FLVCR2: variants seen among roughly 807,000 people sequenced by gnomAD.
The protein encoded by FLVCR2 is FLVCR choline and putative heme transporter 2, also known as choline/ethanolamine transporter FLVCR2.
In FLVCR2, 38 loss-of-function variants were observed where a neutral mutation model predicts 48.9. The ratio of observed to expected loss-of-function variants is 0.78; its 90% confidence interval spans 0.60 to 1.02. FLVCR2 has a LOEUF of 1.02. Among genes scored for constraint, FLVCR2 ranks in the 50% least tolerant of loss-of-function variants. The pLI is 0.00. For missense variants in FLVCR2, 664 were observed against 663.3 expected (o/e 1.00, Z -0.01); for synonymous variants, 255 against 257.0 (o/e 0.99, Z 0.07).
At chr14:75,632,800 TG>T in intron 3 of FLVCR2, 1 of 702,134 alleles carries the variant, frequency 1.4e-6, no homozygotes, top group Non-Finnish European at 2.6e-6. Flanking sequence ...ATTTTAACTG[TG>T]TGTGCATCTT....
chr14:75,646,411 A>G lies in FLVCR2; in HGVS notation c.1520A>G (p.Glu507Gly). 6.3e-7 allele frequency: 1 copy of G among 1,590,470 alleles called. No individual in the cohort carries two copies. The change falls in exon 10 of 10, where the codon GAG (glutamate) becomes GGG (glycine). Residue 507 changes from glutamate (E) to glycine (G), a missense_variant. Coordinates refer to ENST00000238667, the MANE Select transcript of FLVCR2 (RefSeq NM_017791.3). ...NKETLENKLQEEEEESNTSKV... is the reference protein window; with the variant it reads ...NKETLENKLQGEEEESNTSKV... Reference sequence around the variant, plus strand: ...TGTTTTGCTTTATAGAAACTCCAAGAGGAGGAGGAGGAGAGCAACACCAGC... The same window carrying G: ...TGTTTTGCTTTATAGAAACTCCAAGGGGAGGAGGAGGAGAGCAACACCAGC...
intron 9 of FLVCR2, among the ~76,000 whole-genome samples, chr14:75,644,096 T>C (rs1890363216): frequency 6.6e-6 from 1 of 151,864 alleles, no homozygotes; most frequent in African/African-American, 2.4e-5. Context: ...AATATATGTA[T>C]AGCCTAGTGA....
chr14:75,593,308 T>C (rs1888930764), intron 1 of FLVCR2, among the ~76,000 whole-genome samples: 1 of 152,214 alleles, frequency 6.6e-6, no homozygotes, highest in South Asian at 2.1e-4. Context: ...TACCTGAAAC[T>C]GGGTCATTTA....
At position 75,629,395 on chromosome 14, in the gene FLVCR2, A is replaced by G. The variant is rs896546982; in HGVS notation, c.953-4234A>G. Among the ~76,000 whole-genome samples, 57 of 152,192 alleles carry G rather than the reference A, an allele frequency of 3.7e-4. 1 individual carries two copies. The highest frequency in any genetic ancestry group is 1.2e-3 in the African/African-American group (49 of 41,430). On this transcript the variant is annotated intron_variant, in intron 3 of 9. Transcript: ENST00000238667. Reference sequence around the variant, plus strand: ...TCGTGCTTGATGTTGCGGAAATATCATATCAGTAAGAAACTGCCAGTAAAA... The same window carrying G: ...TCGTGCTTGATGTTGCGGAAATATCGTATCAGTAAGAAACTGCCAGTAAAA...
chr14:75,590,379 A>G (rs942573009), intron 1 of FLVCR2, among the ~76,000 whole-genome samples: 1 of 152,260 alleles, frequency 6.6e-6, no homozygotes. Context: ...ATAGACTCAA[A>G]TCATATCCAA....
intron 1 of FLVCR2, among the ~76,000 whole-genome samples, chr14:75,603,299 AC>A (rs1889209435): frequency 6.6e-6 from 1 of 151,964 alleles, no homozygotes; most frequent in African/African-American, 2.4e-5. Flanking sequence ...TAGCCTTAAA[AC>A]CCCCAGGCTC....
chr14:75,631,931 A>G (rs1422375879), intron 3 of FLVCR2: 3 of 441,124 alleles, frequency 6.8e-6, no homozygotes, highest in African/African-American at 6.0e-5. Context: ...ATGTTTGGGG[A>G]CATGTCTGGG....
At chr14:75,639,043 C>A (rs910338949) in intron 5 of FLVCR2, among the ~76,000 whole-genome samples, 1 of 152,060 alleles carries the variant, frequency 6.6e-6, no homozygotes, top group Admixed American at 6.6e-5. Context: ...GGCAAAACAC[C>A]GTCTCTATGA....
intron 1 of FLVCR2, among the ~76,000 whole-genome samples, chr14:75,617,707 A>G (rs1296859547): frequency 6.6e-6 from 1 of 152,226 alleles, no homozygotes; most frequent in Non-Finnish European, 1.5e-5. Context: ...TTTTACTATG[A>G]TGAGTATTAT....
chr14:75,634,245 A>G (rs144946132), intron 4 of FLVCR2, among the ~76,000 whole-genome samples: 1 of 152,282 alleles, frequency 6.6e-6, no homozygotes, highest in African/African-American at 2.4e-5. Flanking sequence ...GAAGGGGTAG[A>G]CTATATGGCT....
intron 1 of FLVCR2, among the ~76,000 whole-genome samples, chr14:75,620,792 T>A (rs1458312813): frequency 6.6e-6 from 1 of 152,230 alleles, no homozygotes; most frequent in African/African-American, 2.4e-5. Context: ...ACATCTTGAA[T>A]GGCTGTAATT....
intron 1 of FLVCR2, among the ~76,000 whole-genome samples, chr14:75,605,039 A>AG (rs1200723182): frequency 2.6e-5 from 4 of 151,254 alleles, no homozygotes; most frequent in African/African-American, 9.7e-5. Context: ...GGGCAGGGGT[A>AG]GGGGGACCGG....
At chr14:75,618,326 G>T (rs1411334994) in intron 1 of FLVCR2, among the ~76,000 whole-genome samples, 2 of 152,176 alleles carry the variant, frequency 1.3e-5, no homozygotes, top group Non-Finnish European at 2.9e-5. Context: ...AGACCTGAGG[G>T]ATAAAAACGG....
chr14:75,583,719 C>T (rs972519995), intron 1 of FLVCR2, among the ~76,000 whole-genome samples: 5 of 152,078 alleles, frequency 3.3e-5, no homozygotes, highest in African/African-American at 9.7e-5. Flanking sequence ...CAAGTTGGCA[C>T]CAGAGCTGGG....
chr14:75,627,616 A>G (rs1006835023), intron 3 of FLVCR2, among the ~76,000 whole-genome samples: 1 of 152,188 alleles, frequency 6.6e-6, no homozygotes, highest in Non-Finnish European at 1.5e-5. Context: ...TGACCTACCT[A>G]GCAGGTCCCC....
rs137979693 is a variant in FLVCR2 at position 75,636,651 on chromosome 14, G to A, written c.1124+1638G>A. Among the ~76,000 whole-genome samples the A allele has an allele frequency of 7.4e-4, 113 of 152,294 alleles. No individual in the cohort carries two copies. The East Asian group carries it at 0.019, about 26-fold the overall frequency. ...CATCACGTGATGTCTAAATCCAGTG[G>A]TCAGCACAAGATATTTTTCTCCCTG... On this transcript the variant is annotated intron_variant, in intron 5 of 9. Transcript: ENST00000238667.
intron 1 of FLVCR2, chr14:75,605,633 A>G: frequency 6.5e-7 from 1 of 1,535,550 alleles, no homozygotes; most frequent in East Asian, 2.4e-5. Flanking sequence ...AGGTGAGGAT[A>G]GATCTTACTT....
At chr14:75,606,777 C>G (rs1420796564) in intron 1 of FLVCR2, among the ~76,000 whole-genome samples, 2 of 152,050 alleles carry the variant, frequency 1.3e-5, no homozygotes, top group Non-Finnish European at 2.9e-5. Flanking sequence ...CATGGAAAAA[C>G]CCCGTCTTTA....
At chr14:75,616,045 A>AAAAAAAAAAAAAAAAAAAG in intron 1 of FLVCR2, among the ~76,000 whole-genome samples, 1 of 145,574 alleles carries the variant, frequency 6.9e-6, no homozygotes, top group Non-Finnish European at 1.5e-5. Flanking sequence ...AAAAAAAAAA[A>AAAAAAAAAAAAAAAAAAAG]AAATAGCGTA....
Sources: allele counts gnomAD v4.1 joint callset (sites outside exome capture counted in the v4.1 genomes callset), GRCh38; gene constraint gnomAD v4.1.1; transcripts MANE v1.5; gene names NCBI Gene and HGNC (gene_info 2026-07-23, HGNC 2026-07-21).